Variants in UPF2 observed in about 807,000 individuals in gnomAD.
UPF2 encodes regulator of nonsense transcripts 2.
UPF2 carries 17 observed loss-of-function variants against 141.4 expected under a neutral mutation model. The ratio of observed to expected loss-of-function variants is 0.12; its 90% CI spans 0.08 to 0.18. The LOEUF is 0.18. Among genes scored for constraint, UPF2 ranks in the 10% least tolerant of loss-of-function variants. The probability of loss-of-function intolerance (pLI) is 1.00; values close to 1 mark genes in which losing one functional copy is unlikely to be tolerated. For missense variants in UPF2, 1,152 were observed against 1,515.9 expected, an observed-to-expected ratio of 0.76 and a Z score of 3.99; for synonymous variants, 540 against 498.0, an observed-to-expected ratio of 1.08 and a Z score of -1.12.
In UPF2 at chr10:11,947,908, G is replaced by A. The variant is rs146618833; in HGVS notation, c.3174+461C>T. 7.8e-4 allele frequency among the ~76,000 whole-genome samples: 118 copies of A among 151,308 alleles called. 1 individual carries two copies. The highest frequency in any genetic ancestry group is 2.7e-3 in the African/African-American group (113 of 41,228). On this transcript the variant is annotated intron_variant, in intron 16 of 21. Coordinates refer to ENST00000357604, the MANE Select transcript of UPF2 (RefSeq NM_015542.4). ...CTTTAAAAACTTTTAATTAAACAAG[G>A]GGTTTTATGATAAAAACATACTACT...
chr10:12,002,175 G>A (rs1042454760), intron 5 of UPF2, among the ~76,000 whole-genome samples: 1 of 152,184 alleles, frequency 6.6e-6, no homozygotes. Flanking sequence ...GGAGGCTGAG[G>A]CAGGAGAATT....
At chr10:11,926,276 G>GGGGAAGAGGAGTCTGGGGCA (rs1832711936) in intron 21 of UPF2, among the ~76,000 whole-genome samples, 1 of 152,216 alleles carries the variant, frequency 6.6e-6, no homozygotes, top group Non-Finnish European at 1.5e-5. Flanking sequence ...TGGAGACCCT[G>GGGGAAGAGGAGTCTGGGGCA]GGGAAGAGGA....
At position 11,992,645 on chromosome 10, in the gene UPF2, A is replaced by C. The variant is rs886137135; in HGVS notation, c.1844+5027T>G. On this transcript the variant is annotated intron_variant, in intron 8 of 21. Coordinates refer to ENST00000357604, the MANE Select transcript of UPF2 (RefSeq NM_015542.4). This position sits in a 1 kb window ranked among gnomAD's most constrained non-coding sequence, Gnocchi z 4.1. ...ACTTTTAGGAATTAAACCAAAAAGGAAAATATTACAGAACTCAAGCCAATC... is the reference window on the plus strand; with the variant it reads ...ACTTTTAGGAATTAAACCAAAAAGGCAAATATTACAGAACTCAAGCCAATC... 3.3e-5 allele frequency among the ~76,000 whole-genome samples: 5 copies of C among 152,208 alleles called. No homozygotes were observed. The highest frequency in any genetic ancestry group is 9.6e-5 in the African/African-American group (4 of 41,454).
At position 11,959,106 on chromosome 10, in the gene UPF2, ACAT is replaced by A; in HGVS notation, c.2370+62_2370+64del. 1 of 1,487,704 alleles carries A rather than the reference ACAT, an allele frequency of 6.7e-7. No individual in the cohort carries two copies. 92.2% of individuals were successfully genotyped at this position (1,487,704 alleles called of 1,614,324 possible). ...TCTACCCCCACTTCTCCTAGACTCT[ACAT>A]AAGCTTAGCACTACCACAAATCTCA... On this transcript the variant is annotated intron_variant, in intron 12 of 21. Coordinates refer to ENST00000357604, the MANE Select transcript of UPF2 (RefSeq NM_015542.4). The surrounding 1 kb of genome is among the most constrained non-coding windows in gnomAD (Gnocchi z 5.9).
At chr10:12,031,074 T>A (rs572073739) in intron 2 of UPF2, among the ~76,000 whole-genome samples, 1 of 147,314 alleles carries the variant, frequency 6.8e-6, no homozygotes, top group Non-Finnish European at 1.5e-5. Context: ...CTCAGGAGGC[T>A]GAGGCAGGAG....
rs2131261515 is a variant in UPF2, at chr10:11,998,152, T to C, written c.1759-395A>G. ...CCCCAAAATATGGCTCTTTGGATGC[T>C]GAGTACTTCATTTGAACTAAGAAAA... On this transcript the variant is annotated intron_variant, in intron 7 of 21. Transcript: ENST00000357604. The surrounding 1 kb of genome is among the most constrained non-coding windows in gnomAD (Gnocchi z 4.5). Among the ~76,000 whole-genome samples, 1 of 152,310 alleles carries C rather than the reference T, an allele frequency of 6.6e-6. No homozygotes were observed. The highest frequency in any genetic ancestry group is 2.4e-5 in the African/African-American group (1 of 41,556).
chr10:11,943,648 T>C (rs1460887678), intron 16 of UPF2, among the ~76,000 whole-genome samples: 1 of 152,214 alleles, frequency 6.6e-6, no homozygotes. Context: ...TTTTGTTTGC[T>C]CTACCCAAGT....
intron 11 of UPF2, among the ~76,000 whole-genome samples, chr10:11,960,685 G>C (rs1335079950): frequency 6.6e-6 from 1 of 151,780 alleles, no homozygotes; most frequent in African/African-American, 2.4e-5. Context: ...CTTGAGGACT[G>C]CCTGAACCCA....
In UPF2 at chr10:12,004,640, C is replaced by T. The variant is rs774409157; in HGVS notation, c.1394G>A (p.Arg465Gln). The T allele has an allele frequency of 3.1e-6, 5 of 1,613,646 alleles. No homozygotes were observed. Among genetic ancestry groups the T allele is most frequent in the South Asian group, 2.2e-5 (2 of 91,064 alleles). Residue 465 changes from arginine (R) to glutamine (Q), a missense_variant, in exon 5 of 22, where the codon CGG (arginine) becomes CAG (glutamine). This residue lies in a region of UPF2 where 739 missense variants were observed against 1,032.2 expected (regional missense o/e 0.72). Transcript: ENST00000357604. ...EGGIWEDEDA[R>Q]NFYENLIDLK... ...ATCAATGAGGTTCTCATAAAAATTC[C>T]GAGCATCTTCATCTTCCCATATACC...
chr10:12,022,114 T>C (rs1183777622), intron 3 of UPF2, among the ~76,000 whole-genome samples: 3 of 151,948 alleles, frequency 2.0e-5, no homozygotes, highest in Non-Finnish European at 4.4e-5. Context: ...CACTCCAGCC[T>C]GGGTGACAGA....
chr10:12,003,649 A>C (rs987455123), intron 5 of UPF2, among the ~76,000 whole-genome samples: 2 of 152,108 alleles, frequency 1.3e-5, no homozygotes, highest in African/African-American at 4.8e-5. Flanking sequence ...GCATAGGCTG[A>C]GCGCGGTGGC....
chr10:11,925,784 T>C (rs1313017347), intron 21 of UPF2, among the ~76,000 whole-genome samples: 1 of 152,090 alleles, frequency 6.6e-6, no homozygotes, highest in Non-Finnish European at 1.5e-5. Flanking sequence ...GAACTAAAGG[T>C]CAGCTAGGCT....
chr10:12,017,917 T>C (rs994620432), intron 3 of UPF2, among the ~76,000 whole-genome samples: 1 of 152,152 alleles, frequency 6.6e-6, no homozygotes, highest in Non-Finnish European at 1.5e-5. Context: ...AGATTTTTTC[T>C]TTTGTTTTGT....
At chr10:12,030,163 A>C (rs1383258723) in intron 2 of UPF2, among the ~76,000 whole-genome samples, 1 of 152,152 alleles carries the variant, frequency 6.6e-6, no homozygotes, top group Non-Finnish European at 1.5e-5. Context: ...TGTGAAAAAT[A>C]TAGTATGTTT....
intron 8 of UPF2, among the ~76,000 whole-genome samples, chr10:11,988,924 G>A (rs1331064727): frequency 6.6e-6 from 1 of 152,208 alleles, no homozygotes; most frequent in Non-Finnish European, 1.5e-5. Context: ...GGATGACAGG[G>A]AATTGACTGG....
chr10:11,998,302 T>G lies in UPF2; in HGVS notation c.1759-545A>C, dbSNP rs1833896995. Among the ~76,000 whole-genome samples the G allele has an allele frequency of 6.6e-6, 1 of 152,148 alleles. No individual in the cohort carries two copies. The highest frequency in any genetic ancestry group is 2.4e-5 in the African/African-American group (1 of 41,432). ...TGCCTTAACTGACAGAGGAGAATTCTTCCAAAAGAAACTCAACTGTCTTCA... is the reference window on the plus strand; with the variant it reads ...TGCCTTAACTGACAGAGGAGAATTCGTCCAAAAGAAACTCAACTGTCTTCA... On this transcript the variant is annotated intron_variant, in intron 7 of 21. Coordinates refer to ENST00000357604, the MANE Select transcript of UPF2 (RefSeq NM_015542.4). This position sits in a 1 kb window ranked among gnomAD's most constrained non-coding sequence, Gnocchi z 4.5.
Position 12,014,624 on chromosome 10 carries a change from A to G in UPF2, c.1146-440T>C, listed in dbSNP as rs1457083811. On this transcript the variant is annotated intron_variant, in intron 3 of 21. Transcript: ENST00000357604. The surrounding 1 kb of genome is among the most constrained non-coding windows in gnomAD (Gnocchi z 5.0). ...AATATCATATTTAACAATATATCACAAAATAATCAAAAATTATTTGGTTTT... is the reference window on the plus strand; with the variant it reads ...AATATCATATTTAACAATATATCACGAAATAATCAAAAATTATTTGGTTTT... Among the ~76,000 whole-genome samples the G allele has an allele frequency of 6.6e-6, 1 of 152,224 alleles. No homozygotes were observed. Among genetic ancestry groups the G allele is most frequent in the Non-Finnish European group, 1.5e-5 (1 of 68,040 alleles).
intron 16 of UPF2, among the ~76,000 whole-genome samples, chr10:11,946,638 C>T (rs1833003886): frequency 6.6e-6 from 1 of 152,164 alleles, no homozygotes; most frequent in Admixed American, 6.5e-5. Context: ...TCTTTACTCA[C>T]TCTAACTTTT....
intron 15 of UPF2, 46 bp from the exon 16 acceptor site, chr10:11,948,554 A>G: frequency 6.3e-7 from 1 of 1,595,110 alleles, no homozygotes; most frequent in Non-Finnish European, 8.5e-7. Context: ...AAAAATAGAC[A>G]CAGGCTAGTT....
Sources: gnomAD v4.1 joint callset for allele counts (sites outside exome capture counted in the v4.1 genomes callset) on GRCh38, gnomAD v4.1.1 for gene constraint, gnomAD v4.1.1 regional missense constraint, Gnocchi (gnomAD v3.1) non-coding constraint, MANE v1.5 for transcripts, NCBI Gene and HGNC (gene_info 2026-07-23, HGNC 2026-07-21) for gene names.